Variants in DHX15 observed in about 807,000 individuals in gnomAD.
DHX15 encodes the protein DEAH-box helicase 15, also known as ATP-dependent RNA helicase DHX15.
DHX15 carries 11 observed loss-of-function variants against 94.4 expected under a neutral mutation model. That is an observed-to-expected ratio of 0.12 (90% CI 0.07 to 0.19). The LOEUF (loss-of-function observed/expected upper bound fraction) is 0.19. Among genes scored for constraint, DHX15 ranks in the 10% least tolerant of loss-of-function variants. DHX15 has a pLI of 1.00. For missense variants in DHX15, 304 were observed against 988.5 expected, an observed-to-expected ratio of 0.31 and a Z score of 9.29; for synonymous variants, 338 against 329.9, an observed-to-expected ratio of 1.02 and a Z score of -0.27.
rs575841710 is a variant in DHX15 at position 24,530,153 on chromosome 4, T to A, written c.2101-383A>T. The A allele has an allele frequency of 1.1e-5, 3 of 269,362 alleles. No individual in the cohort carries two copies. In the South Asian group the frequency reaches 1.3e-4, roughly 12 times the overall value. 16.7% of individuals were successfully genotyped at this position (269,362 alleles called of 1,614,324 possible). A position where few individuals can be genotyped will look rare whatever the true frequency, so the allele number is the denominator to read the frequency against. ...ATTATGCTCCAAGAGCAGGCAGTGT[T>A]AGGTAGTTTTGACAAGGACTTCATG... On this transcript the variant is annotated intron_variant, in intron 12 of 13. Coordinates refer to ENST00000336812, the MANE Select transcript of DHX15 (RefSeq NM_001358.3).
chr4:24,548,706 G>A (rs907205285), intron 6 of DHX15, 149 bp downstream of exon 6: 2 of 708,528 alleles, frequency 2.8e-6, no homozygotes, highest in Non-Finnish European at 4.3e-6. Context: ...AGGGTCAAGA[G>A]ATATGCGGAA....
At chr4:24,543,693 G>T (rs7665500) in intron 6 of DHX15, among the ~76,000 whole-genome samples, 8,166 of 152,130 alleles carry the variant, frequency 0.054, 338 homozygotes, top group African/African-American at 0.11. Flanking sequence ...TAGCTTGTTT[G>T]GTATACGTGC....
chr4:24,579,524 G>A lies in DHX15; in HGVS notation c.72-2846C>T, dbSNP rs746790448. 3.3e-5 allele frequency among the ~76,000 whole-genome samples: 5 copies of A among 152,152 alleles called. No homozygotes were observed. In the East Asian group the frequency reaches 5.8e-4, roughly 18 times the overall value. On this transcript the variant is annotated intron_variant, in intron 1 of 13. Coordinates refer to ENST00000336812, the MANE Select transcript of DHX15 (RefSeq NM_001358.3). ...AGTGCTTCAGACACAGCCACACCACGAGCAGGGAGGGAGGTATGACATGAC... is the reference window on the plus strand; with the variant it reads ...AGTGCTTCAGACACAGCCACACCACAAGCAGGGAGGGAGGTATGACATGAC...
At chr4:24,583,512 A>G (rs1317468650) in intron 1 of DHX15, among the ~76,000 whole-genome samples, 2 of 151,406 alleles carry the variant, frequency 1.3e-5, no homozygotes, top group Admixed American at 6.6e-5. Context: ...TCCCCATGGG[A>G]CGATGTTCAG....
Position 24,564,626 on chromosome 4 carries a change from C to T in DHX15, c.701+6028G>A, listed in dbSNP as rs184873529. Among the ~76,000 whole-genome samples the T allele has an allele frequency of 6.4e-3, 975 of 152,302 alleles. 6 individuals are homozygous for T. The highest frequency in any genetic ancestry group is 9.6e-3 in the Non-Finnish European group (656 of 68,024). On this transcript the variant is annotated intron_variant, in intron 3 of 13. Coordinates refer to ENST00000336812, the MANE Select transcript of DHX15 (RefSeq NM_001358.3). Reference sequence around the variant, plus strand: ...GCCAGTGATATTAGCCGAGTCCTTACATAATGTTTCTTTTATTGGTGAAGG... The same window carrying T: ...GCCAGTGATATTAGCCGAGTCCTTATATAATGTTTCTTTTATTGGTGAAGG...
At chr4:24,548,732 T>C in intron 6 of DHX15, 123 bp downstream of exon 6, 1 of 914,030 alleles carries the variant, frequency 1.1e-6, no homozygotes, top group East Asian at 2.7e-5. Flanking sequence ...CAAATGGATA[T>C]TATTTTGTTG....
intron 4 of DHX15, among the ~76,000 whole-genome samples, chr4:24,555,532 C>G (rs1721717219): frequency 6.6e-6 from 1 of 151,906 alleles, no homozygotes; most frequent in African/African-American, 2.4e-5. Context: ...TCTAAAGACC[C>G]AGAATCTTTC....
intron 2 of DHX15, among the ~76,000 whole-genome samples, chr4:24,573,647 A>T (rs951127740): frequency 6.6e-6 from 1 of 152,088 alleles, no homozygotes; most frequent in Admixed American, 6.5e-5. Context: ...TTCCTCTTCA[A>T]TTCAAGAGCT....
chr4:24,560,713 G>A (rs1470328830), intron 3 of DHX15, among the ~76,000 whole-genome samples: 4 of 152,004 alleles, frequency 2.6e-5, no homozygotes, highest in Non-Finnish European at 1.5e-5. Flanking sequence ...TAAATTCTCT[G>A]AAACTAAGAT....
chr4:24,584,438 T>G lies in DHX15; in HGVS notation c.-45A>C. ...GCAGTTATTAAGGAAGAAAGCTGGCTGCTGTATGGGCACAGTCGAGGACAG... is the reference window on the plus strand; with the variant it reads ...GCAGTTATTAAGGAAGAAAGCTGGCGGCTGTATGGGCACAGTCGAGGACAG... On this transcript the variant is annotated 5_prime_UTR_variant, in exon 1 of 14. Transcript: ENST00000336812. 1.3e-6 allele frequency: 2 copies of G among 1,587,972 alleles called. No homozygotes were observed. The highest frequency in any genetic ancestry group is 1.7e-6 in the Non-Finnish European group (2 of 1,164,840).
chr4:24,569,757 T>C (rs147523250), intron 3 of DHX15, among the ~76,000 whole-genome samples: 2,150 of 152,142 alleles, frequency 0.014, 35 homozygotes, highest in Admixed American at 0.049. Flanking sequence ...CACATAGATA[T>C]GATTTTTCTT....
Position 24,556,361 on chromosome 4 carries a change from G to A in DHX15, c.751C>T (p.Leu251=). 6.2e-7 allele frequency: 1 copy of A among 1,613,676 alleles called. No homozygotes were observed. Among genetic ancestry groups the A allele is most frequent in the Non-Finnish European group, 8.5e-7 (1 of 1,179,660 alleles). Residue 251 remains leucine (L), a synonymous_variant, in exon 4 of 14, where the codon CTG becomes TTG. Coordinates refer to ENST00000336812, the MANE Select transcript of DHX15 (RefSeq NM_001358.3). ...AGAATTATTACACCATAACGCTCCAGGAGGGGATCATTCATAGCTTCACGA... is the reference window on the plus strand; with the variant it reads ...AGAATTATTACACCATAACGCTCCAAGAGGGGATCATTCATAGCTTCACGA... ...LLREAMNDPL[L]ERYGVIILDE...
intron 5 of DHX15, among the ~76,000 whole-genome samples, chr4:24,553,318 T>C (rs1162868468): frequency 6.6e-6 from 1 of 151,604 alleles, no homozygotes; most frequent in East Asian, 1.9e-4. Context: ...CAAAACTCCA[T>C]CTCAAATAAA....
At chr4:24,559,079 C>G (rs1024885093) in intron 3 of DHX15, among the ~76,000 whole-genome samples, 1 of 152,018 alleles carries the variant, frequency 6.6e-6, no homozygotes, top group Non-Finnish European at 1.5e-5. Flanking sequence ...CAGACAAGAT[C>G]GCCCTGAATT....
intron 12 of DHX15, chr4:24,530,269 G>C (rs1721048292): frequency 6.2e-6 from 1 of 161,030 alleles, no homozygotes; most frequent in Non-Finnish European, 1.3e-5. Flanking sequence ...ACTATGAGCA[G>C]ACAATTACCA....
At chr4:24,550,062 C>T (rs368096210) in intron 5 of DHX15, among the ~76,000 whole-genome samples, 21 of 118,468 alleles carry the variant, frequency 1.8e-4, no homozygotes, top group African/African-American at 6.4e-4. Context: ...CCATTGCACT[C>T]CAGCCTGGGC....
At chr4:24,536,362 T>C (rs1247785917) in intron 11 of DHX15, among the ~76,000 whole-genome samples, 2 of 152,172 alleles carry the variant, frequency 1.3e-5, no homozygotes, top group Non-Finnish European at 2.9e-5. Flanking sequence ...AAAAATAACT[T>C]TCTAAATTAT....
chr4:24,576,996 A>G (rs1722283247), intron 1 of DHX15, among the ~76,000 whole-genome samples: 1 of 152,228 alleles, frequency 6.6e-6, no homozygotes, highest in Admixed American at 6.5e-5. Flanking sequence ...GGTAGGATGA[A>G]GAAAGGATAG....
intron 10 of DHX15, 64 bp downstream of exon 10, chr4:24,540,044 C>G: frequency 7.8e-7 from 1 of 1,275,292 alleles, no homozygotes; most frequent in Non-Finnish European, 1.0e-6. Context: ...AAAACAAAAA[C>G]AAAAGTGAAG....
Sources: gnomAD v4.1 joint callset for allele counts (sites outside exome capture counted in the v4.1 genomes callset) on GRCh38, gnomAD v4.1.1 for gene constraint, MANE v1.5 for transcripts, NCBI Gene and HGNC (gene_info 2026-07-23, HGNC 2026-07-21) for gene names.